Variants in PKHD1 observed in about 807,000 individuals in gnomAD.
PKHD1 encodes fibrocystin.
A neutral mutation model predicts 412.0 loss-of-function variants in PKHD1; 291 were observed. The ratio of observed to expected loss-of-function variants is 0.71; its 90% confidence interval spans 0.64 to 0.78. The LOEUF is 0.78. Among genes scored for constraint, PKHD1 ranks in the 30% least tolerant of loss-of-function variants. The probability of loss-of-function intolerance (pLI) is 0.00; values close to 1 mark genes in which losing one functional copy is unlikely to be tolerated. For synonymous variants in PKHD1, 1,777 were observed against 1,821.5 expected (o/e 0.98, Z 0.62); for missense variants, 4,825 against 4,950.7 (o/e 0.97, Z 0.76).
chr6:51,881,787 T>C (rs1390144650), intron 46 of PKHD1, among the ~76,000 whole-genome samples: 1 of 152,156 alleles, frequency 6.6e-6, no homozygotes, highest in Non-Finnish European at 1.5e-5. Context: ...TTTAATTATG[T>C]GGTTTTATGA....
rs1766058535 is a variant in PKHD1, at chr6:51,616,271, G to A, written c.*2810C>T. The A allele has an allele frequency of 6.2e-6, 1 of 161,676 alleles. No homozygotes were observed. The highest frequency in any genetic ancestry group is 1.3e-5 in the Non-Finnish European group (1 of 74,624). 10.0% of individuals were successfully genotyped at this position (161,676 alleles called of 1,614,324 possible). On this transcript the variant is annotated 3_prime_UTR_variant, in exon 67 of 67. Transcript: ENST00000371117. ...TTGTCCAATCTCTTGAGAGAAATGA[G>A]TCCATCAATACAGAAAATCAGCAAT... is the stretch of plus-strand genomic sequence containing the variant.
intron 60 of PKHD1, among the ~76,000 whole-genome samples, chr6:51,694,433 G>C (rs1488293217): frequency 6.6e-6 from 1 of 151,160 alleles, no homozygotes; most frequent in Non-Finnish European, 1.5e-5. Context: ...GCCTAGGCTG[G>C]AATGCAGTGG....
At chr6:51,821,831 C>T (rs9474088) in intron 52 of PKHD1, among the ~76,000 whole-genome samples, 64,386 of 151,934 alleles carry the variant, frequency 0.42, 14,428 homozygotes, top group Middle Eastern at 0.6. Flanking sequence ...GGATTACAGG[C>T]GCACACCACC....
At chr6:51,718,341 C>G (rs1398490857) in intron 60 of PKHD1, among the ~76,000 whole-genome samples, 1 of 152,184 alleles carries the variant, frequency 6.6e-6, no homozygotes, top group African/African-American at 2.4e-5. Flanking sequence ...GGGTGGCGTT[C>G]TCCTGTGTCC....
At chr6:51,798,905 G>A (rs894884662) in intron 52 of PKHD1, among the ~76,000 whole-genome samples, 1 of 152,102 alleles carries the variant, frequency 6.6e-6, no homozygotes, top group Non-Finnish European at 1.5e-5. Context: ...ATAAAAGTAT[G>A]ATAGTAGGTG....
intron 31 of PKHD1, among the ~76,000 whole-genome samples, chr6:52,027,532 C>CAAAAAAAAAAAAAAAAAA (rs1229066296): frequency 1.2e-5 from 1 of 83,892 alleles, no homozygotes; most frequent in African/African-American, 5.5e-5. Flanking sequence ...AACTCCGTCT[C>CAAAAAAAAAAAAAAAAAA]AAAAAAAAAA....
rs559948331 is a variant in PKHD1, at chr6:51,916,952, A to C, written c.6122-4376T>G. On this transcript the variant is annotated intron_variant, in intron 37 of 66. Coordinates refer to ENST00000371117, the MANE Select transcript of PKHD1 (RefSeq NM_138694.4). ...TCTACTCATAATTGTATTTCCTACAAATTATTGTTCAAGCATTTCAATGTC... is the reference window on the plus strand; with the variant it reads ...TCTACTCATAATTGTATTTCCTACACATTATTGTTCAAGCATTTCAATGTC... Among the ~76,000 whole-genome samples, 5 of 152,192 alleles carry C rather than the reference A, an allele frequency of 3.3e-5. 1 individual carries two copies. The East Asian group carries it at 9.7e-4, about 29-fold the overall frequency.
intron 35 of PKHD1, among the ~76,000 whole-genome samples, chr6:51,966,435 AG>A (rs1354841062): frequency 1.3e-5 from 2 of 152,140 alleles, no homozygotes; most frequent in Non-Finnish European, 2.9e-5. Context: ...CTAGAACGGA[AG>A]GCAGGTTTGC....
chr6:51,946,966 T>C (rs1388850394), intron 36 of PKHD1, among the ~76,000 whole-genome samples: 3 of 152,262 alleles, frequency 2.0e-5, no homozygotes, highest in African/African-American at 7.2e-5. Flanking sequence ...TACACAATTC[T>C]ATTTTCCCCC....
At chr6:51,804,468 T>C (rs1763442886) in intron 52 of PKHD1, among the ~76,000 whole-genome samples, 2 of 147,078 alleles carry the variant, frequency 1.4e-5, no homozygotes, top group South Asian at 4.2e-4. Flanking sequence ...TGTTTTCATA[T>C]GCCCAACATG....
chr6:51,708,717 C>T (rs983421910), intron 60 of PKHD1, among the ~76,000 whole-genome samples: 1 of 152,180 alleles, frequency 6.6e-6, no homozygotes, highest in East Asian at 1.9e-4. Context: ...ACAATGATAA[C>T]TTGTCTTTCA....
chr6:51,856,030 C>T lies in PKHD1; in HGVS notation c.7774G>A (p.Asp2592Asn). Reference protein sequence around the residue: ...PEVSYDLTMTDSRNKTTTVNY... With the variant: ...PEVSYDLTMTNSRNKTTTVNY... Reference sequence around the variant, plus strand: ...ACAGTGGTTGTTTTATTTCTGCTGTCAGTCATGGTTAAATCATAAGAAACT... The same window carrying T: ...ACAGTGGTTGTTTTATTTCTGCTGTTAGTCATGGTTAAATCATAAGAAACT... The change falls in exon 49 of 67, where the codon GAC becomes AAC. Residue 2592 changes from aspartate (D) to asparagine (N), a missense_variant. By Grantham distance (23) the Asp-to-Asn change is conservative (BLOSUM62 1). Coordinates refer to ENST00000371117, the MANE Select transcript of PKHD1 (RefSeq NM_138694.4). 6.2e-7 allele frequency: 1 copy of T among 1,608,336 alleles called. No homozygotes were observed. The highest frequency in any genetic ancestry group is 8.5e-7 in the Non-Finnish European group (1 of 1,174,962).
rs1048584020 is a variant in PKHD1, at chr6:51,615,600, C to T, written c.*3481G>A. ...TTAAAATTCTTTACTGTTATTGACA[C>T]GTACAATTTTATAGAAGCTTGGTTG... On this transcript the variant is annotated 3_prime_UTR_variant, in exon 67 of 67. Coordinates refer to ENST00000371117, the MANE Select transcript of PKHD1 (RefSeq NM_138694.4). The T allele has an allele frequency of 2.0e-5, 3 of 152,120 alleles. No individual in the cohort carries two copies. The highest frequency in any genetic ancestry group is 1.9e-4 in the East Asian group (1 of 5,202). The allele number at this position is 152,120 out of a possible 1,614,324, so 9.4% of individuals were successfully genotyped here. A position where few individuals can be genotyped will look rare whatever the true frequency, so the allele number is the denominator to read the frequency against.
chr6:52,010,484 G>A, intron 34 of PKHD1, 25 bp from the exon 35 acceptor site: 2 of 1,517,640 alleles, frequency 1.3e-6, no homozygotes, highest in South Asian at 1.1e-5. Flanking sequence ...GAGGTTAAAT[G>A]GGGTGTCATC....
At chr6:51,753,104 T>C in intron 57 of PKHD1, 97 bp downstream of exon 57, 1 of 1,084,576 alleles carries the variant, frequency 9.2e-7, no homozygotes, top group African/African-American at 1.6e-5. Context: ...TTGAACATTT[T>C]GTTTTATAAA....
At chr6:51,620,802 A>ATATATG (rs1554163994) in intron 66 of PKHD1, among the ~76,000 whole-genome samples, 1 of 141,558 alleles carries the variant, frequency 7.1e-6, no homozygotes, top group Admixed American at 7.1e-5. Flanking sequence ...ATATATATGT[A>ATATATG]TATATATATA....
At chr6:51,897,164 G>A (rs1433969943) in intron 43 of PKHD1, among the ~76,000 whole-genome samples, 4 of 152,062 alleles carry the variant, frequency 2.6e-5, no homozygotes, top group Admixed American at 6.6e-5. Context: ...TAGAGAGAAC[G>A]CCACAAAGAT....
rs759126073 is a variant in PKHD1, at chr6:52,079,984, C to T, written c.306G>A (p.Glu102=). ...AGTATGCTTCCAGGAAGTACAGACC[C>T]TCATGTGCTTCAGACAGCACAGATC... ...RTRSVLSEAH[E]GLYFLEAYFG... Residue 102 remains glutamate, a synonymous_variant, in exon 5 of 67, where the codon GAG becomes GAA. Transcript: ENST00000371117. 1.1e-5 allele frequency: 17 copies of T among 1,606,924 alleles called. No individual in the cohort carries two copies. The African/African-American group carries it at 1.5e-4, about 14-fold the overall frequency.
intron 35 of PKHD1, among the ~76,000 whole-genome samples, chr6:51,994,422 A>G (rs983691510): frequency 6.6e-6 from 1 of 152,226 alleles, no homozygotes; most frequent in African/African-American, 2.4e-5. Context: ...GGCGTGAGCC[A>G]CCACGCCCAG....
Sources: gnomAD v4.1 joint callset for allele counts (sites outside exome capture counted in the v4.1 genomes callset) on GRCh38, gnomAD v4.1.1 for gene constraint, MANE v1.5 for transcripts, NCBI Gene and HGNC (gene_info 2026-07-23, HGNC 2026-07-21) for gene names.